CDON: variants seen among roughly 807,000 people sequenced by gnomAD.
CDON encodes cell adhesion molecule-related/down-regulated by oncogenes.
In CDON, 73 loss-of-function variants were observed where a neutral mutation model predicts 120.9. That is an observed-to-expected ratio of 0.60 (90% CI 0.50 to 0.73). The LOEUF (loss-of-function observed/expected upper bound fraction) is 0.73. Among genes scored for constraint, CDON ranks in the 30% least tolerant of loss-of-function variants. The pLI is 0.00. For missense variants in CDON, 1,470 were observed against 1,587.3 expected, an observed-to-expected ratio of 0.93 and a Z score of 1.26; for synonymous variants, 566 against 573.5, an observed-to-expected ratio of 0.99 and a Z score of 0.19.
At chr11:126,052,442 G>GTA (rs1371695600) in intron 1 of CDON, among the ~76,000 whole-genome samples, 4 of 152,144 alleles carry the variant, frequency 2.6e-5, no homozygotes, top group Non-Finnish European at 5.9e-5. Flanking sequence ...TTAAGTAGAG[G>GTA]TATACACACT....
intron 5 of CDON, among the ~76,000 whole-genome samples, chr11:126,017,919 A>C (rs909326611): frequency 6.6e-6 from 1 of 151,848 alleles, no homozygotes; most frequent in African/African-American, 2.4e-5. Flanking sequence ...TTTTTTTTTA[A>C]GACAGAGTCA....
chr11:126,040,146 C>CA (rs758237080), intron 1 of CDON, among the ~76,000 whole-genome samples: 2 of 151,956 alleles, frequency 1.3e-5, no homozygotes, highest in South Asian at 4.1e-4. Flanking sequence ...CACATAAATG[C>CA]AAAAAAGGTC....
chr11:126,035,298 A>G (rs1470714237), intron 1 of CDON, among the ~76,000 whole-genome samples: 1 of 152,240 alleles, frequency 6.6e-6, no homozygotes, highest in Non-Finnish European at 1.5e-5. Context: ...ATAAACTTGA[A>G]TCAACGCTGG....
rs896943124 is a variant in CDON, at chr11:125,959,446, T to G, written c.*1496A>C. 1 of 152,154 alleles carries G rather than the reference T, an allele frequency of 6.6e-6. No individual in the cohort carries two copies. The highest frequency in any genetic ancestry group is 2.4e-5 in the African/African-American group (1 of 41,434). The allele number at this position is 152,154 out of a possible 1,614,324, so 9.4% of individuals were successfully genotyped here. A position where few individuals can be genotyped will look rare whatever the true frequency, so the allele number is the denominator to read the frequency against. On this transcript the variant is annotated 3_prime_UTR_variant, in exon 20 of 20. Coordinates refer to ENST00000531738, the MANE Select transcript of CDON (RefSeq NM_001378964.1). Reference sequence around the variant, plus strand: ...CTTACATAATTATTGTTTTTTAATGTGAAGAGCCTTCCAAAGGCAGCTGCA... The same window carrying G: ...CTTACATAATTATTGTTTTTTAATGGGAAGAGCCTTCCAAAGGCAGCTGCA...
chr11:125,979,336 A>C (rs1273860434), intron 17 of CDON, among the ~76,000 whole-genome samples: 3 of 152,242 alleles, frequency 2.0e-5, no homozygotes, highest in Non-Finnish European at 2.9e-5. Context: ...CCAACCAGCA[A>C]CAGGAATTAT....
chr11:125,982,005 T>TG (rs1946326229), intron 16 of CDON, among the ~76,000 whole-genome samples: 3 of 110,398 alleles, frequency 2.7e-5, no homozygotes, highest in Admixed American at 2.2e-4. Flanking sequence ...TTTTTTGAGA[T>TG]GGAGTTTCGC....
intron 18 of CDON, among the ~76,000 whole-genome samples, chr11:125,964,201 G>A (rs936246751): frequency 3.9e-5 from 6 of 152,334 alleles, no homozygotes; most frequent in African/African-American, 9.6e-5. Context: ...GGGCAAGGTC[G>A]TGGGGAGAAA....
At chr11:125,971,382 CTAAA>C (rs374833815) in intron 18 of CDON, among the ~76,000 whole-genome samples, 3,644 of 103,188 alleles carry the variant, frequency 0.035, 71 homozygotes, top group Middle Eastern at 0.062. Context: ...GACTCTGTCT[CTAAA>C]TAAATAAATA....
intron 16 of CDON, among the ~76,000 whole-genome samples, chr11:125,982,765 T>C (rs760673491): frequency 4.6e-5 from 7 of 152,206 alleles, no homozygotes; most frequent in Non-Finnish European, 8.8e-5. Context: ...ACCAGATTAA[T>C]GTTCTCTTTT....
intron 1 of CDON, among the ~76,000 whole-genome samples, chr11:126,030,925 G>C (rs1194072807): frequency 6.6e-6 from 1 of 152,106 alleles, no homozygotes; most frequent in Non-Finnish European, 1.5e-5. Flanking sequence ...TGCTTTTCAA[G>C]TAAGTATTCA....
At chr11:126,052,755 G>A (rs1383239702) in intron 1 of CDON, among the ~76,000 whole-genome samples, 4 of 151,468 alleles carry the variant, frequency 2.6e-5, no homozygotes, top group South Asian at 2.1e-4. Context: ...CCTGGGAGGC[G>A]GAGGTTGCAG....
At position 125,994,778 on chromosome 11, in the gene CDON, A is replaced by C; in HGVS notation, c.2544+93T>G. 6.2e-6 allele frequency: 7 copies of C among 1,137,864 alleles called. No individual in the cohort carries two copies. The Admixed American group carries it at 1.3e-4, about 22-fold the overall frequency. The allele number at this position is 1,137,864 out of a possible 1,614,324, so 70.5% of individuals were successfully genotyped here. Reference sequence around the variant, plus strand: ...ACTTCCCCTCAATTAAAAGTTCAAAATTTGCTGTTTACTGTATTGTGTCAT... The same window carrying C: ...ACTTCCCCTCAATTAAAAGTTCAAACTTTGCTGTTTACTGTATTGTGTCAT... On this transcript the variant is annotated intron_variant, in intron 13 of 19. Coordinates refer to ENST00000531738, the MANE Select transcript of CDON (RefSeq NM_001378964.1).
intron 15 of CDON, among the ~76,000 whole-genome samples, chr11:125,989,322 G>A (rs1283919805): frequency 1.3e-5 from 2 of 152,160 alleles, no homozygotes; most frequent in Admixed American, 6.5e-5. Flanking sequence ...CATCACCTGA[G>A]GCCAGGAGTT....
intron 7 of CDON, 185 bp downstream of exon 7, chr11:126,015,052 CTTGA>C (rs1433500750): frequency 1.6e-6 from 1 of 630,688 alleles, no homozygotes; most frequent in Admixed American, 2.9e-5. Context: ...TTTTAATGAG[CTTGA>C]TTAATAAGAT....
rs149170791 is a variant in CDON, at chr11:125,973,348, T to C, written c.3356+4956A>G. On this transcript the variant is annotated intron_variant, in intron 18 of 19. Coordinates refer to ENST00000531738, the MANE Select transcript of CDON (RefSeq NM_001378964.1). ...GAGTTCAAGATCAGCCTGACTGACA[T>C]GGTGAAACCCCGTCTCTACTAAAAA... Among the ~76,000 whole-genome samples the C allele has an allele frequency of 7.0e-3, 1,070 of 152,178 alleles. 12 individuals are homozygous for C. The highest frequency in any genetic ancestry group is 0.023 in the African/African-American group (952 of 41,520).
rs185507086 is a variant in CDON at position 125,967,671 on chromosome 11, G to A, written c.3357-5673C>T. On this transcript the variant is annotated intron_variant, in intron 18 of 19. Coordinates refer to ENST00000531738, the MANE Select transcript of CDON (RefSeq NM_001378964.1). ...ACTAGAAACCTGTATTTTCTTTATG[G>A]GTCTCACTCTGTTGCCCAGGCTGGG... Among the ~76,000 whole-genome samples, 6 of 152,190 alleles carry A rather than the reference G, an allele frequency of 3.9e-5. No individual in the cohort carries two copies. In the East Asian group the frequency reaches 1.2e-3, roughly 29 times the overall value.
At chr11:126,002,052 T>C (rs1342119341) in intron 10 of CDON, among the ~76,000 whole-genome samples, 6 of 142,254 alleles carry the variant, frequency 4.2e-5, no homozygotes, top group African/African-American at 1.5e-4. Flanking sequence ...TTTTCTAGTA[T>C]CTTTAAAATA....
chr11:126,000,543 G>C (rs569006227), intron 11 of CDON, among the ~76,000 whole-genome samples: 1 of 152,278 alleles, frequency 6.6e-6, no homozygotes, highest in Admixed American at 6.5e-5. Context: ...TTAAAGGCAA[G>C]GATTATTTTA....
In CDON at chr11:126,001,896, T is replaced by C. The variant is rs774963525; in HGVS notation, c.2027-46A>G. On this transcript the variant is annotated intron_variant, in intron 10 of 19. Transcript: ENST00000531738. ...ATACAGTAACATAAGCATATATGTA[T>C]GTAAAGTGGAAAAAAAAGAGTACTG... The C allele has an allele frequency of 7.0e-6, 10 of 1,419,772 alleles. No individual in the cohort carries two copies. The South Asian group carries it at 1.0e-4, about 15-fold the overall frequency. 87.9% of individuals were successfully genotyped at this position (1,419,772 alleles called of 1,614,324 possible). A position where few individuals can be genotyped will look rare whatever the true frequency, so the allele number is the denominator to read the frequency against.
Sources: allele counts gnomAD v4.1 joint callset (sites outside exome capture counted in the v4.1 genomes callset), GRCh38; gene constraint gnomAD v4.1.1; transcripts MANE v1.5; gene names NCBI Gene and HGNC (gene_info 2026-07-23, HGNC 2026-07-21).